The following REST variants were observed in gnomAD, a reference collection of about 807,000 sequenced individuals.
The protein encoded by REST is RE1 silencing transcription factor, also known as RE1-silencing transcription factor.
A neutral mutation model predicts 30.4 loss-of-function variants in REST; 1 was observed. The observed-to-expected ratio is 0.03, with a 90% CI of 0.01 to 0.16. The LOEUF is 0.16. Ranked by LOEUF, REST falls within the 10% of genes least tolerant of loss-of-function variation. REST has a pLI of 1.00. For synonymous variants in REST, 504 were observed against 451.1 expected, an observed-to-expected ratio of 1.12 and a Z score of -1.49; for missense variants, 1,259 against 1,329.5, an observed-to-expected ratio of 0.95 and a Z score of 0.82.
rs1383711516 is a variant in REST at position 56,933,651 on chromosome 4, G to A, written c.*1499G>A. The A allele has an allele frequency of 6.6e-6, 1 of 152,100 alleles. No individual in the cohort carries two copies. Among genetic ancestry groups the A allele is most frequent in the Admixed American group, 6.6e-5 (1 of 15,250 alleles). The allele number at this position is 152,100 out of a possible 1,614,324, so 9.4% of individuals were successfully genotyped here. The stretch of plus-strand genomic sequence containing the variant: ...GCAGCTATCCTGGTGTTCCTATGAG[G>A]GCACTTTGTATGAAAAAGGGCATGT... On this transcript the variant is annotated 3_prime_UTR_variant, in exon 4 of 4. Coordinates refer to ENST00000309042, the MANE Select transcript of REST (RefSeq NM_005612.5).
Position 56,911,391 on chromosome 4 carries a change from C to T in REST, c.753C>T (p.Ile251=), listed in dbSNP as rs370871325. The part of the protein sequence containing the change: ...AGDNERVYKC[I]ICTYTTVSEY... ...ATAATGAGCGAGTCTACAAGTGTAT[C>T]ATTTGCACATACACAACAGTGAGCG... is the stretch of plus-strand genomic sequence containing the variant. Residue 251 remains isoleucine (I), a synonymous_variant, in exon 2 of 4, where the codon ATC becomes ATT. Transcript: ENST00000309042. 6 of 1,614,180 alleles carry T rather than the reference C, an allele frequency of 3.7e-6. No individual in the cohort carries two copies. The highest frequency in any genetic ancestry group is 1.6e-4 in the Middle Eastern group (1 of 6,062).
intron 2 of REST, among the ~76,000 whole-genome samples, chr4:56,917,878 C>T (rs951684313): frequency 3.3e-5 from 5 of 151,804 alleles, no homozygotes; most frequent in Non-Finnish European, 7.4e-5. Flanking sequence ...GGTGAAACCC[C>T]GTCTCTGCTA....
chr4:56,919,148 A>G lies in REST; in HGVS notation c.899-639A>G, dbSNP rs1385070618. ...TCTTGAACTCCTTACCTCGTGATCT[A>G]CCAGCCTCAGCCTCCCAAAGTGCTG... is the stretch of plus-strand genomic sequence containing the variant. On this transcript the variant is annotated intron_variant, in intron 2 of 3. Coordinates refer to ENST00000309042, the MANE Select transcript of REST (RefSeq NM_005612.5). Among the ~76,000 whole-genome samples the G allele has an allele frequency of 3.3e-5, 5 of 151,460 alleles. No homozygotes were observed. In the South Asian group the frequency reaches 8.3e-4, roughly 25 times the overall value.
chr4:56,918,407 T>C (rs1337995948), intron 2 of REST, among the ~76,000 whole-genome samples: 1 of 151,574 alleles, frequency 6.6e-6, no homozygotes, highest in Non-Finnish European at 1.5e-5. Context: ...AGTGGGAGGA[T>C]CTGTTGAGCC....
At position 56,934,867 on chromosome 4, in the gene REST, A is replaced by C. The variant is rs1721094848; in HGVS notation, c.*2715A>C. 6.6e-6 allele frequency: 1 copy of C among 152,198 alleles called. No homozygotes were observed. Among genetic ancestry groups the C allele is most frequent in the Non-Finnish European group, 1.5e-5 (1 of 68,028 alleles). 9.4% of individuals were successfully genotyped at this position (152,198 alleles called of 1,614,324 possible). A position where few individuals can be genotyped will look rare whatever the true frequency, so the allele number is the denominator to read the frequency against. ...GCCTTAATCTTAGGTAGTCTTATGA[A>C]AATGAATCTCTTAACTATCTTTTGA... is the stretch of plus-strand genomic sequence containing the variant. On this transcript the variant is annotated 3_prime_UTR_variant, in exon 4 of 4. Coordinates refer to ENST00000309042, the MANE Select transcript of REST (RefSeq NM_005612.5).
At position 56,911,366 on chromosome 4, in the gene REST, A is replaced by T. The variant is rs1406655944; in HGVS notation, c.728A>T (p.Asp243Val). The change falls in exon 2 of 4, where the codon GAT (aspartate) becomes GTT (valine). Residue 243 changes from aspartate (D) to valine (V), a missense_variant. Transcript: ENST00000309042. The stretch of plus-strand genomic sequence containing the variant: ...CTGAAACACCACACCAGAGCTGGGG[A>T]TAATGAGCGAGTCTACAAGTGTATC... Reference protein sequence around the residue: ...AHLKHHTRAGDNERVYKCIIC... With the variant: ...AHLKHHTRAGVNERVYKCIIC... The T allele has an allele frequency of 6.2e-7, 1 of 1,614,096 alleles. No homozygotes were observed. Among genetic ancestry groups the T allele is most frequent in the Non-Finnish European group, 8.5e-7 (1 of 1,180,050 alleles).
chr4:56,932,557 T>C lies in REST; in HGVS notation c.*405T>C, dbSNP rs1274556080. 1 of 155,768 alleles carries C rather than the reference T, an allele frequency of 6.4e-6. No individual in the cohort carries two copies. The allele number at this position is 155,768 out of a possible 1,614,324, so 9.6% of individuals were successfully genotyped here. A position where few individuals can be genotyped will look rare whatever the true frequency, so the allele number is the denominator to read the frequency against. On this transcript the variant is annotated 3_prime_UTR_variant, in exon 4 of 4. Transcript: ENST00000309042. The stretch of plus-strand genomic sequence containing the variant: ...TTAATAGCAAATTACTTGAAGAATT[T>C]GCCTGCTTTATATAAAGTTAGCACT...
In REST at chr4:56,934,023, G is replaced by A. The variant is rs1362185998; in HGVS notation, c.*1871G>A. The A allele has an allele frequency of 6.6e-6, 1 of 152,182 alleles. No homozygotes were observed. The highest frequency in any genetic ancestry group is 1.5e-5 in the Non-Finnish European group (1 of 68,034). The allele number at this position is 152,182 out of a possible 1,614,324, so 9.4% of individuals were successfully genotyped here. A position where few individuals can be genotyped will look rare whatever the true frequency, so the allele number is the denominator to read the frequency against. Reference sequence around the variant, plus strand: ...ACATGGCATTGACTGGGAGGCCAAAGATTTAAAGAAGCGGAAGATTCTTCT... The same window carrying A: ...ACATGGCATTGACTGGGAGGCCAAAAATTTAAAGAAGCGGAAGATTCTTCT... On this transcript the variant is annotated 3_prime_UTR_variant, in exon 4 of 4. Coordinates refer to ENST00000309042, the MANE Select transcript of REST (RefSeq NM_005612.5).
rs2109585481 is a variant in REST, at chr4:56,934,873, A to G, written c.*2721A>G. ...ATCTTAGGTAGTCTTATGAAAATGA[A>G]TCTCTTAACTATCTTTTGAACCTGT... On this transcript the variant is annotated 3_prime_UTR_variant, in exon 4 of 4. Coordinates refer to ENST00000309042, the MANE Select transcript of REST (RefSeq NM_005612.5). The G allele has an allele frequency of 6.6e-6, 1 of 152,284 alleles. No individual in the cohort carries two copies. Among genetic ancestry groups the G allele is most frequent in the Admixed American group, 6.5e-5 (1 of 15,292 alleles). 9.4% of individuals were successfully genotyped at this position (152,284 alleles called of 1,614,324 possible).
chr4:56,915,240 A>ATTTT lies in REST; in HGVS notation c.898+3724_898+3727dup, dbSNP rs1193678055. ...CAATTTTGTGTGTGTGTGTGTGTGT[A>ATTTT]TTTTTTTTTTTTTTTTTTTTTTTGA... On this transcript the variant is annotated intron_variant, in intron 2 of 3. Coordinates refer to ENST00000309042, the MANE Select transcript of REST (RefSeq NM_005612.5). Among the ~76,000 whole-genome samples, 96 of 55,512 alleles carry ATTTT rather than the reference A, an allele frequency of 1.7e-3. 1 individual carries two copies. Among genetic ancestry groups the ATTTT allele is most frequent in the African/African-American group, 2.6e-3 (35 of 13,508 alleles). The allele number at this position is 55,512 out of a possible 152,430, so 36.4% of individuals were successfully genotyped here.
rs1239929753 is a variant in REST at position 56,907,931 on chromosome 4, G to C, written c.-292G>C. 3.4e-6 allele frequency: 1 copy of C among 291,996 alleles called. No homozygotes were observed. The highest frequency in any genetic ancestry group is 6.3e-6 in the Non-Finnish European group (1 of 158,666). 18.1% of individuals were successfully genotyped at this position (291,996 alleles called of 1,614,324 possible). A position where few individuals can be genotyped will look rare whatever the true frequency, so the allele number is the denominator to read the frequency against. On this transcript the variant is annotated 5_prime_UTR_variant, in exon 1 of 4. Transcript: ENST00000309042. ...GGCGCAGCGTCCTGTGTTGGAATGT[G>C]CGGCTGCCGCGAGCTCGCGGCGCAG...
chr4:56,922,123 T>G (rs962042763), intron 3 of REST, among the ~76,000 whole-genome samples: 1 of 152,118 alleles, frequency 6.6e-6, no homozygotes, highest in South Asian at 2.1e-4. Flanking sequence ...CATTGAGTGG[T>G]GCCACTTAAC....
chr4:56,922,769 G>C (rs1184462160), intron 3 of REST, among the ~76,000 whole-genome samples: 1 of 152,016 alleles, frequency 6.6e-6, no homozygotes, highest in Non-Finnish European at 1.5e-5. Flanking sequence ...ATGTCCACTT[G>C]TTTTCTCATG....
intron 3 of REST, among the ~76,000 whole-genome samples, chr4:56,924,520 G>A (rs927647456): frequency 1.3e-5 from 2 of 152,164 alleles, no homozygotes; most frequent in Non-Finnish European, 2.9e-5. Flanking sequence ...GTGGAGTGCA[G>A]TGGGTGCAGT....
chr4:56,908,592 C>T (rs542739708), intron 1 of REST, among the ~76,000 whole-genome samples: 7 of 152,146 alleles, frequency 4.6e-5, no homozygotes, highest in African/African-American at 1.7e-4. Flanking sequence ...CCTCCTCCTG[C>T]CCCCGGGTCC....
chr4:56,908,069 T>C lies in REST; in HGVS notation c.-154T>C. The C allele has an allele frequency of 8.9e-6, 3 of 338,476 alleles. No individual in the cohort carries two copies. Among genetic ancestry groups the C allele is most frequent in the Non-Finnish European group, 1.6e-5 (3 of 186,766 alleles). 21.0% of individuals were successfully genotyped at this position (338,476 alleles called of 1,614,324 possible). On this transcript the variant is annotated 5_prime_UTR_variant, in exon 1 of 4. Transcript: ENST00000309042. ...TGAGCACCCTCTGCAGCCCCACTCC[T>C]GGGCCTTCTTGGTCCACGACGGCCC...
At chr4:56,910,558 A>T in intron 1 of REST, 72 bp from the exon 2 acceptor site, 1 of 1,289,100 alleles carries the variant, frequency 7.8e-7, no homozygotes, top group Non-Finnish European at 1.1e-6. Flanking sequence ...GAAGAATTAC[A>T]GCGATGTGGT....
At chr4:56,911,819 T>A (rs1719932661) in intron 2 of REST, among the ~76,000 whole-genome samples, 1 of 152,144 alleles carries the variant, frequency 6.6e-6, no homozygotes, top group South Asian at 2.1e-4. Flanking sequence ...TAACTTGGGG[T>A]TTACCTTCAG....
chr4:56,911,558 ATAAGT>A (rs1719913916), intron 2 of REST, 22 bp downstream of exon 2: 4 of 1,582,090 alleles, frequency 2.5e-6, no homozygotes, highest in Non-Finnish European at 3.5e-6. Flanking sequence ...TTTCTAGTCC[ATAAGT>A]TCAGTTCTCT....
Sources: allele counts gnomAD v4.1 joint callset (sites outside exome capture counted in the v4.1 genomes callset), GRCh38; gene constraint gnomAD v4.1.1; transcripts MANE v1.5; gene names NCBI Gene and HGNC (gene_info 2026-07-23, HGNC 2026-07-21).